The following ARHGEF10L variants were observed in gnomAD, a reference collection of about 807,000 sequenced individuals.
ARHGEF10L encodes rho guanine nucleotide exchange factor 10-like protein.
A neutral mutation model predicts 141.2 loss-of-function variants in ARHGEF10L; 69 were observed. The observed-to-expected ratio is 0.49, with a 90% CI of 0.40 to 0.60. ARHGEF10L has a LOEUF of 0.60. ARHGEF10L is among the 20% of genes least tolerant of loss of function. ARHGEF10L has a pLI of 0.00. For synonymous variants in ARHGEF10L, 711 were observed against 718.5 expected, an observed-to-expected ratio of 0.99 and a Z score of 0.17; for missense variants, 1,482 against 1,734.3, an observed-to-expected ratio of 0.85 and a Z score of 2.58.
the ARHGEF10L span, among the ~76,000 whole-genome samples, chr1:17,516,144 G>A: frequency 6.6e-6 from 1 of 152,272 alleles, no homozygotes; most frequent in Non-Finnish European, 1.5e-5. Context: ...CGGTTGCCCG[G>A]CAGCCTTGCT....
intron 25 of ARHGEF10L, among the ~76,000 whole-genome samples, chr1:17,658,890 A>G (rs901692171): frequency 8.5e-5 from 13 of 152,140 alleles, no homozygotes; most frequent in African/African-American, 3.1e-4. Context: ...AAGCCAGGCA[A>G]GTGGAGAGTT....
intron 7 of ARHGEF10L, among the ~76,000 whole-genome samples, chr1:17,609,607 A>G (rs1041141977): frequency 3.9e-5 from 6 of 152,224 alleles, no homozygotes; most frequent in African/African-American, 1.4e-4. Flanking sequence ...AAGCTAAACT[A>G]TCATGCCCTT....
At chr1:17,574,849 C>G (rs555186754) in intron 1 of ARHGEF10L, among the ~76,000 whole-genome samples, 1 of 152,216 alleles carries the variant, frequency 6.6e-6, no homozygotes, top group Non-Finnish European at 1.5e-5. Context: ...ACTTCCTGTT[C>G]CAGCTCCATT....
chr1:17,599,552 C>T (rs939351626), intron 4 of ARHGEF10L, among the ~76,000 whole-genome samples: 4 of 152,100 alleles, frequency 2.6e-5, no homozygotes, highest in East Asian at 1.9e-4. Context: ...ACTGATGTGG[C>T]GCCTTCAGGA....
chr1:17,582,296 A>AT (rs1159795905), intron 2 of ARHGEF10L, among the ~76,000 whole-genome samples: 2 of 152,052 alleles, frequency 1.3e-5, no homozygotes, highest in Non-Finnish European at 2.9e-5. Context: ...CTGAACCTGA[A>AT]CATGGGGAGT....
At position 17,587,555 on chromosome 1, in the gene ARHGEF10L, G is replaced by C. The variant is rs1364823306; in HGVS notation, c.133G>C (p.Asp45His). 6.2e-7 allele frequency: 1 copy of C among 1,614,082 alleles called. No homozygotes were observed. Among genetic ancestry groups the C allele is most frequent in the East Asian group, 2.2e-5 (1 of 44,888 alleles). Reference protein sequence around the residue: ...FEFDDSDDEEDTSAALGVPSL... With the variant: ...FEFDDSDDEEHTSAALGVPSL... ...GTTTGATGACAGTGATGATGAAGAG[G>C]ACACCAGCGCAGCCCTGGGCGTCCC... Residue 45 changes from aspartate (D) to histidine (H), a missense_variant, in exon 3 of 29, where the codon GAC (aspartate) becomes CAC (histidine). Asp to His is a moderately conservative substitution (Grantham distance 81). Transcript: ENST00000361221.
At chr1:17,682,160 A>G (rs2064176651) in intron 26 of ARHGEF10L, among the ~76,000 whole-genome samples, 1 of 152,080 alleles carries the variant, frequency 6.6e-6, no homozygotes, top group African/African-American at 2.4e-5. Context: ...GAGAAGTTCT[A>G]GGCATTTCTC....
At chr1:17,559,500 C>T (rs531412386) in intron 1 of ARHGEF10L, among the ~76,000 whole-genome samples, 74 of 152,252 alleles carry the variant, frequency 4.9e-4, no homozygotes, top group African/African-American at 9.9e-4. Context: ...GGACCGACAC[C>T]CCCCAGGGCC....
At chr1:17,521,766 G>C in the ARHGEF10L span, among the ~76,000 whole-genome samples, 1 of 152,146 alleles carries the variant, frequency 6.6e-6, no homozygotes, top group Admixed American at 6.5e-5. Context: ...CAAGCTCTTA[G>C]CTGCTGTACT....
At chr1:17,586,088 G>A (rs2079000867) in intron 2 of ARHGEF10L, among the ~76,000 whole-genome samples, 1 of 152,190 alleles carries the variant, frequency 6.6e-6, no homozygotes, top group Admixed American at 6.5e-5. Context: ...AGCCAGGGAT[G>A]CTGCTAATCG....
At chr1:17,620,421 C>T (rs1178616445) in intron 10 of ARHGEF10L, among the ~76,000 whole-genome samples, 1 of 152,230 alleles carries the variant, frequency 6.6e-6, no homozygotes, top group Non-Finnish European at 1.5e-5. Context: ...AGCTGCTGAA[C>T]ATCCTACGAG....
the ARHGEF10L span, among the ~76,000 whole-genome samples, chr1:17,522,809 G>T: frequency 1.3e-5 from 2 of 152,234 alleles, no homozygotes; most frequent in South Asian, 4.2e-4. Context: ...GAAGGTGAAA[G>T]AAGGGTCCCT....
upstream of ARHGEF10L, among the ~76,000 whole-genome samples, chr1:17,535,484 G>T (rs913283661): frequency 6.6e-6 from 1 of 152,198 alleles, no homozygotes; most frequent in African/African-American, 2.4e-5. Context: ...GGGAGGCAGC[G>T]GCGGGGGCCC....
intron 26 of ARHGEF10L, among the ~76,000 whole-genome samples, chr1:17,686,920 C>G (rs774504225): frequency 2.0e-5 from 3 of 151,126 alleles, no homozygotes; most frequent in Non-Finnish European, 4.4e-5. Flanking sequence ...CTCAGTCCTG[C>G]TTTTTGGAAG....
At chr1:17,657,930 G>A (rs2062376122) in intron 25 of ARHGEF10L, among the ~76,000 whole-genome samples, 1 of 152,226 alleles carries the variant, frequency 6.6e-6, no homozygotes, top group South Asian at 2.1e-4. Flanking sequence ...ACCTGGGTTG[G>A]AAGGAGGTGA....
At chr1:17,685,418 C>T (rs1425694193) in intron 26 of ARHGEF10L, among the ~76,000 whole-genome samples, 1 of 152,164 alleles carries the variant, frequency 6.6e-6, no homozygotes, top group African/African-American at 2.4e-5. Flanking sequence ...CACTGCTGTG[C>T]CCTTTGCCTA....
At chr1:17,530,307 C>A in the ARHGEF10L span, among the ~76,000 whole-genome samples, 1 of 152,194 alleles carries the variant, frequency 6.6e-6, no homozygotes, top group Admixed American at 6.5e-5. Flanking sequence ...GAAGAGGGTT[C>A]AAACCCTGGC....
At position 17,619,421 on chromosome 1, in the gene ARHGEF10L, G is replaced by A; in HGVS notation, c.918G>A (p.Met306Ile). The change falls in exon 10 of 29, where the codon ATG becomes ATA. Residue 306 changes from methionine (M) to isoleucine (I), a missense_variant. Met to Ile is a conservative substitution (Grantham distance 10). Coordinates refer to ENST00000361221, the MANE Select transcript of ARHGEF10L (RefSeq NM_018125.4). The surrounding 1 kb of genome is among the most constrained non-coding windows in gnomAD (Gnocchi z 5.0). ...IKPPAPELGPMPEGLSPQQVV... is the reference protein window; with the variant it reads ...IKPPAPELGPIPEGLSPQQVV... ...CCCCAGCCCCAGAGCTGGGCCCCATGCCAGAGGGCCTGAGCCCTCAGCAGG... is the reference window on the plus strand; with the variant it reads ...CCCCAGCCCCAGAGCTGGGCCCCATACCAGAGGGCCTGAGCCCTCAGCAGG... 1 of 1,610,616 alleles carries A rather than the reference G, an allele frequency of 6.2e-7. No homozygotes were observed. Among genetic ancestry groups the A allele is most frequent in the Non-Finnish European group, 8.5e-7 (1 of 1,178,976 alleles).
At chr1:17,542,773 C>T (rs2076775792) in intron 1 of ARHGEF10L, among the ~76,000 whole-genome samples, 1 of 152,168 alleles carries the variant, frequency 6.6e-6, no homozygotes, top group Non-Finnish European at 1.5e-5. Context: ...GATGAGGAAG[C>T]TGAGCATACA....
Sources: gnomAD v4.1 joint callset for allele counts (sites outside exome capture counted in the v4.1 genomes callset) on GRCh38, gnomAD v4.1.1 for gene constraint, Gnocchi (gnomAD v3.1) non-coding constraint, MANE v1.5 for transcripts, NCBI Gene and HGNC (gene_info 2026-07-23, HGNC 2026-07-21) for gene names.